The following RCL1 variants were observed in gnomAD, a reference collection of about 807,000 sequenced individuals.
RCL1 encodes the protein RNA terminal phosphate cyclase like 1.
In RCL1, 24 loss-of-function variants were observed where a neutral mutation model predicts 42.4. That is an observed-to-expected ratio of 0.57 (90% CI 0.41 to 0.80). The LOEUF (loss-of-function observed/expected upper bound fraction) is 0.80, where lower values mean the gene tolerates loss of function less well. RCL1 is among the 30% of genes least tolerant of loss of function. The probability of loss-of-function intolerance (pLI) is 0.00; values close to 1 mark genes in which losing one functional copy is unlikely to be tolerated. For synonymous variants in RCL1, 228 were observed against 177.3 expected (o/e 1.29, Z -2.27); for missense variants, 578 against 467.9 (o/e 1.24, Z -2.17).
chr9:4,827,761 C>CGTGTGT (rs59604765), intron 3 of RCL1, among the ~76,000 whole-genome samples: 68,289 of 147,416 alleles, frequency 0.46, 17,513 homozygotes, highest in East Asian at 0.69. Context: ...TGTGTGCACG[C>CGTGTGT]GTGTGTGTGT....
In RCL1 at chr9:4,844,838, A is replaced by G. The variant is rs141361876; in HGVS notation, c.867+157A>G. Among the ~76,000 whole-genome samples the G allele has an allele frequency of 3.9e-5, 6 of 152,342 alleles. No individual in the cohort carries two copies. In the East Asian group the frequency reaches 1.2e-3, roughly 29 times the overall value. The stretch of plus-strand genomic sequence containing the variant: ...AGTTCAGCCTTAACTAGTTTAATTG[A>G]TTAGCTCAACCAGTCAGTGAGTAGA... On this transcript the variant is annotated intron_variant, in intron 7 of 8. Transcript: ENST00000381750.
chr9:4,832,088 C>T (rs1816960765), intron 3 of RCL1, among the ~76,000 whole-genome samples: 1 of 152,178 alleles, frequency 6.6e-6, no homozygotes, highest in Admixed American at 6.5e-5. Flanking sequence ...GCAACATTTG[C>T]CAACTCGTTA....
intron 5 of RCL1, among the ~76,000 whole-genome samples, chr9:4,834,748 A>C (rs1340014249): frequency 6.6e-6 from 1 of 152,206 alleles, no homozygotes; most frequent in Non-Finnish European, 1.5e-5. Context: ...AATGAATGAT[A>C]TCTACTATTA....
intron 2 of RCL1, 54 bp from the exon 3 acceptor site, chr9:4,826,804 G>A: frequency 6.8e-7 from 1 of 1,481,198 alleles, no homozygotes; most frequent in Non-Finnish European, 9.2e-7. Flanking sequence ...CATTACCTTT[G>A]TGACATTTTA....
At chr9:4,825,457 A>G (rs1258976352) in intron 2 of RCL1, among the ~76,000 whole-genome samples, 1 of 152,112 alleles carries the variant, frequency 6.6e-6, no homozygotes, top group Non-Finnish European at 1.5e-5. Context: ...CCCAGAGTCC[A>G]TTTGAGAAGT....
chr9:4,803,146 C>A (rs1218541365), intron 1 of RCL1, among the ~76,000 whole-genome samples: 2 of 152,030 alleles, frequency 1.3e-5, no homozygotes, highest in African/African-American at 4.8e-5. Context: ...CTGCATCTGA[C>A]CAAAATGTTA....
intron 1 of RCL1, among the ~76,000 whole-genome samples, chr9:4,798,521 A>G (rs775808273): frequency 2.6e-5 from 4 of 152,234 alleles, no homozygotes; most frequent in Admixed American, 6.5e-5. Context: ...TCTGAAAAAG[A>G]AGAGCTAAGT....
At chr9:4,818,399 T>C (rs549981203) in intron 1 of RCL1, among the ~76,000 whole-genome samples, 56 of 152,226 alleles carry the variant, frequency 3.7e-4, no homozygotes, top group Non-Finnish European at 6.5e-4. Context: ...ATTTATCACA[T>C]TGTATATAAT....
intron 8 of RCL1, among the ~76,000 whole-genome samples, chr9:4,854,290 G>C (rs1817857756): frequency 6.6e-6 from 1 of 152,148 alleles, no homozygotes; most frequent in South Asian, 2.1e-4. Context: ...TTGGAGCAGA[G>C]GTCAGCTTGT....
rs117669075 is a variant in RCL1, at chr9:4,851,137, G to A, written c.971+1587G>A. The stretch of plus-strand genomic sequence containing the variant: ...TGACTGGACATTTTTGAAAGTTCCT[G>A]TGTCCTCTTCAACACATCTTCTCAC... On this transcript the variant is annotated intron_variant, in intron 8 of 8. Coordinates refer to ENST00000381750, the MANE Select transcript of RCL1 (RefSeq NM_005772.5). 6.6e-5 allele frequency among the ~76,000 whole-genome samples: 10 copies of A among 152,176 alleles called. No homozygotes were observed. The East Asian group carries it at 1.9e-3, about 29-fold the overall frequency.
chr9:4,822,957 C>A (rs1029027927), intron 1 of RCL1, among the ~76,000 whole-genome samples: 1 of 151,978 alleles, frequency 6.6e-6, no homozygotes, highest in Admixed American at 6.5e-5. Flanking sequence ...TAATACTGTA[C>A]ATTCAAACAC....
intron 1 of RCL1, among the ~76,000 whole-genome samples, chr9:4,810,470 C>T (rs968282083): frequency 6.6e-6 from 1 of 152,068 alleles, no homozygotes; most frequent in African/African-American, 2.4e-5. Context: ...CTCTTTAGCT[C>T]TGTTGTATTT....
chr9:4,809,227 G>C (rs1178692646), intron 1 of RCL1, among the ~76,000 whole-genome samples: 3 of 151,928 alleles, frequency 2.0e-5, no homozygotes, highest in African/African-American at 7.3e-5. Flanking sequence ...CAGCAGTAAA[G>C]TTTTCTTACA....
intron 1 of RCL1, among the ~76,000 whole-genome samples, chr9:4,802,565 T>G (rs992116475): frequency 6.6e-6 from 1 of 152,206 alleles, no homozygotes; most frequent in African/African-American, 2.4e-5. Context: ...ATTCTCATCC[T>G]GAGATGAGAA....
At chr9:4,847,757 C>A (rs1369627232) in intron 7 of RCL1, among the ~76,000 whole-genome samples, 1 of 152,300 alleles carries the variant, frequency 6.6e-6, no homozygotes, top group African/African-American at 2.4e-5. Context: ...ATTGGGCTAC[C>A]CACCTTCTCT....
At chr9:4,793,296 G>A in intron 1 of RCL1, 69 bp downstream of exon 1, 1 of 1,501,266 alleles carries the variant, frequency 6.7e-7, no homozygotes, top group South Asian at 1.3e-5. Flanking sequence ...ATGCCGTGGG[G>A]GCCCGCGCGG....
Position 4,793,019 on chromosome 9 carries a change from C to T in RCL1, c.-73C>T, listed in dbSNP as rs1842853475. ...TCGGTGTCGCCGCCACCACCACCAT[C>T]GGAGTCACGAGTCCCGCGTCTGTCC... is the stretch of plus-strand genomic sequence containing the variant. On this transcript the variant is annotated 5_prime_UTR_variant, in exon 1 of 9. Coordinates refer to ENST00000381750, the MANE Select transcript of RCL1 (RefSeq NM_005772.5). 1.3e-6 allele frequency: 2 copies of T among 1,520,046 alleles called. No homozygotes were observed. The highest frequency in any genetic ancestry group is 1.8e-6 in the Non-Finnish European group (2 of 1,127,004). 94.2% of individuals were successfully genotyped at this position (1,520,046 alleles called of 1,614,324 possible). A position where few individuals can be genotyped will look rare whatever the true frequency, so the allele number is the denominator to read the frequency against.
chr9:4,846,623 G>T (rs1428010547), intron 7 of RCL1, among the ~76,000 whole-genome samples: 1 of 152,140 alleles, frequency 6.6e-6, no homozygotes, highest in African/African-American at 2.4e-5. Flanking sequence ...TGTTGTGCAG[G>T]ATTTCTTTTC....
chr9:4,841,138 TTAC>T (rs1817303072), intron 5 of RCL1, 91 bp from the exon 6 acceptor site: 2 of 1,353,470 alleles, frequency 1.5e-6, no homozygotes, highest in East Asian at 4.6e-5. Flanking sequence ...TCCCAGTTTG[TTAC>T]TACAGTTCCA....
Sources: gnomAD v4.1 joint callset for allele counts (sites outside exome capture counted in the v4.1 genomes callset) on GRCh38, gnomAD v4.1.1 for gene constraint, MANE v1.5 for transcripts, NCBI Gene and HGNC (gene_info 2026-07-23, HGNC 2026-07-21) for gene names.